NOTUM: variants seen among roughly 807,000 people sequenced by gnomAD.
NOTUM encodes the protein palmitoleoyl-protein carboxylesterase NOTUM.
A neutral mutation model predicts 65.5 loss-of-function variants in NOTUM; 36 were observed. That is an observed-to-expected ratio of 0.55 (90% CI 0.42 to 0.73). The LOEUF (loss-of-function observed/expected upper bound fraction) is 0.73, where lower values mean the gene tolerates loss of function less well. Ranked by LOEUF, NOTUM falls within the 30% of genes least tolerant of loss-of-function variation. The probability of loss-of-function intolerance (pLI) is 0.00; values close to 1 mark genes in which losing one functional copy is unlikely to be tolerated. For synonymous variants in NOTUM, 356 were observed against 297.9 expected (o/e 1.20, Z -2.01); for missense variants, 659 against 694.2 (o/e 0.95, Z 0.57).
intron 5 of NOTUM, 31 bp from the exon 6 acceptor site, chr17:81,957,939 G>A: frequency 6.7e-7 from 1 of 1,497,842 alleles, no homozygotes; most frequent in Non-Finnish European, 9.1e-7. Context: ...CCTCAGGTAG[G>A]GGCCTGGACA....
Position 81,958,349 on chromosome 17 carries a change from G to A in NOTUM, c.578C>T (p.Ser193Phe), listed in dbSNP as rs1335693072. 1 of 1,609,472 alleles carries A rather than the reference G, an allele frequency of 6.2e-7. No individual in the cohort carries two copies. The highest frequency in any genetic ancestry group is 1.3e-5 in the African/African-American group (1 of 74,860). ...CCGAGACTCACTCTTCTCAGACTTG[G>A]ATGAAGCCCCGCTCCAAACATCACT... The part of the protein sequence containing the change: ...CSSDVWSGAS[S>F]KSEKNEYAFM... The change falls in exon 5 of 11, where the codon TCC becomes TTC. Residue 193 changes from serine (S) to phenylalanine (F), a missense_variant. Ser to Phe is a radical substitution (Grantham distance 155). Coordinates refer to ENST00000409678, the MANE Select transcript of NOTUM (RefSeq NM_178493.6).
At chr17:81,954,797 A>G (rs1313929116) in intron 9 of NOTUM, among the ~76,000 whole-genome samples, 1 of 151,210 alleles carries the variant, frequency 6.6e-6, no homozygotes, top group African/African-American at 2.4e-5. Flanking sequence ...CTGTATGTGC[A>G]GTAGAGACAC....
intron 7 of NOTUM, 45 bp from the exon 8 acceptor site, chr17:81,956,795 CG>C: frequency 6.3e-7 from 1 of 1,593,160 alleles, no homozygotes; most frequent in Non-Finnish European, 8.6e-7. Context: ...TCTCGTCCCC[CG>C]GGGCTCCCCA....
At chr17:81,953,341 T>G in intron 10 of NOTUM, 74 bp from the exon 11 acceptor site, 1 of 958,866 alleles carries the variant, frequency 1.0e-6, no homozygotes, top group Admixed American at 2.5e-5. Context: ...TTTTTTTTTT[T>G]GAGACCAGCC....
At chr17:81,957,673 C>T (rs761990703) in intron 6 of NOTUM, 133 bp downstream of exon 6, 43 of 661,858 alleles carry the variant, frequency 6.5e-5, no homozygotes, top group Non-Finnish European at 1.1e-4. Context: ...CTCTCACCCT[C>T]CTAGCCACCT....
Position 81,959,465 on chromosome 17 carries a change from G to A in NOTUM, c.472+6C>T. On this transcript the variant is annotated splice_donor_region_variant and intron_variant, in intron 3 of 10. Transcript: ENST00000409678. ...CGAGACGCCTTCCCCAGGGCCCGCC[G>A]CTGACCTGTGCGAGTGCGCGGCCAG... The A allele has an allele frequency of 6.5e-7, 1 of 1,544,410 alleles. No homozygotes were observed.
chr17:81,958,682 A>G (rs2143947237), intron 4 of NOTUM, among the ~76,000 whole-genome samples: 1 of 151,454 alleles, frequency 6.6e-6, no homozygotes, highest in Admixed American at 6.6e-5. Context: ...ATCCCAGGAG[A>G]GGACCCTGCC....
At chr17:81,954,955 C>G in intron 9 of NOTUM, among the ~76,000 whole-genome samples, 1 of 44,670 alleles carries the variant, frequency 2.2e-5, no homozygotes, top group South Asian at 5.7e-4. Context: ...CTCTCTCTCT[C>G]TCTCCTCTCT....
At position 81,960,543 on chromosome 17, in the gene NOTUM, G is replaced by A. The variant is rs761069029; in HGVS notation, c.323+44C>T. The stretch of plus-strand genomic sequence containing the variant: ...CGCAGGGAAGGTCCAGCCGGAGACC[G>A]GGCGCGTCGGGCGGGGCGGGGAGGT... On this transcript the variant is annotated intron_variant, in intron 1 of 10. Coordinates refer to ENST00000409678, the MANE Select transcript of NOTUM (RefSeq NM_178493.6). The surrounding 1 kb of genome is among the most constrained non-coding windows in gnomAD (Gnocchi z 6.4). 1.1e-5 allele frequency: 15 copies of A among 1,331,334 alleles called. No individual in the cohort carries two copies. The highest frequency in any genetic ancestry group is 3.0e-5 in the South Asian group (2 of 66,788). 82.5% of individuals were successfully genotyped at this position (1,331,334 alleles called of 1,614,324 possible). A position where few individuals can be genotyped will look rare whatever the true frequency, so the allele number is the denominator to read the frequency against.
chr17:81,953,426 G>T (rs1448072570), intron 10 of NOTUM, among the ~76,000 whole-genome samples, 159 bp from the exon 11 acceptor site: 1 of 151,908 alleles, frequency 6.6e-6, no homozygotes, highest in Non-Finnish European at 1.5e-5. Context: ...CTCCCGAGTA[G>T]CTGGGATTAC....
chr17:81,959,129 C>T (rs1053375116), intron 3 of NOTUM, 134 bp from the exon 4 acceptor site: 2 of 763,826 alleles, frequency 2.6e-6, no homozygotes, highest in Admixed American at 2.3e-5. Context: ...TAGCCCGAAC[C>T]AAGGTTGCCG....
rs769640604 is a variant in NOTUM at position 81,956,856 on chromosome 17, G to A, written c.887+27C>T. On this transcript the variant is annotated intron_variant, in intron 7 of 10. Transcript: ENST00000409678. The stretch of plus-strand genomic sequence containing the variant: ...CCCTTCTGGGGCAAAGCTGCAGCAC[G>A]AGGACGGGCCCTCCCCGCTGCGGCA... 8.7e-6 allele frequency: 14 copies of A among 1,601,772 alleles called. No homozygotes were observed. The East Asian group carries it at 1.3e-4, about 15-fold the overall frequency.
At chr17:81,956,297 G>A (rs1274430203) in intron 8 of NOTUM, among the ~76,000 whole-genome samples, 1 of 152,160 alleles carries the variant, frequency 6.6e-6, no homozygotes, top group Non-Finnish European at 1.5e-5. Flanking sequence ...CAGCAGGGAG[G>A]GGCAGCATGG....
At position 81,958,949 on chromosome 17, in the gene NOTUM, C is replaced by T; in HGVS notation, c.519G>A (p.Trp173Ter). Residue 173 changes from tryptophan (W) to a stop codon, truncating the protein, a stop_gained, in exon 4 of 11, where the codon TGG (tryptophan) becomes TGA (stop). Coordinates refer to ENST00000409678, the MANE Select transcript of NOTUM (RefSeq NM_178493.6). LOFTEE classifies it high-confidence loss of function. ...SSQPEENPYWWNANMVFIPYC... is the reference protein window; with the variant it reads ...SSQPEENPYW ...TGCCCCCTTACACCATGTTTGCGTT[C>T]CACCAGTAGGGGTTCTCCTCCGGCT... is the stretch of plus-strand genomic sequence containing the variant. 1.2e-6 allele frequency: 2 copies of T among 1,613,024 alleles called. No individual in the cohort carries two copies. Among genetic ancestry groups the T allele is most frequent in the Non-Finnish European group, 1.7e-6 (2 of 1,179,636 alleles).
In NOTUM at chr17:81,960,536, G is replaced by A. The variant is rs768729642; in HGVS notation, c.323+51C>T. 137 of 1,305,664 alleles carry A rather than the reference G, an allele frequency of 1.0e-4. No homozygotes were observed. Among genetic ancestry groups the A allele is most frequent in the Admixed American group, 3.5e-4 (14 of 39,600 alleles). The allele number at this position is 1,305,664 out of a possible 1,614,324, so 80.9% of individuals were successfully genotyped here. A position where few individuals can be genotyped will look rare whatever the true frequency, so the allele number is the denominator to read the frequency against. On this transcript the variant is annotated intron_variant, in intron 1 of 10. Coordinates refer to ENST00000409678, the MANE Select transcript of NOTUM (RefSeq NM_178493.6). The surrounding 1 kb of genome is among the most constrained non-coding windows in gnomAD (Gnocchi z 6.4). The stretch of plus-strand genomic sequence containing the variant: ...CGCGGCCCGCAGGGAAGGTCCAGCC[G>A]GAGACCGGGCGCGTCGGGCGGGGCG...
chr17:81,960,108 C>T lies in NOTUM; in HGVS notation c.324-416G>A, dbSNP rs2041463270. Among the ~76,000 whole-genome samples the T allele has an allele frequency of 6.6e-6, 1 of 151,828 alleles. No homozygotes were observed. The highest frequency in any genetic ancestry group is 1.5e-5 in the Non-Finnish European group (1 of 67,882). The stretch of plus-strand genomic sequence containing the variant: ...CCGACCCGGCGGGGGAGCCTTCCTG[C>T]CGAGCCCCGACCCCACGCCCAAGTC... On this transcript the variant is annotated intron_variant, in intron 1 of 10. Transcript: ENST00000409678. This position sits in a 1 kb window ranked among gnomAD's most constrained non-coding sequence, Gnocchi z 6.4.
chr17:81,959,095 G>A lies in NOTUM; in HGVS notation c.473-100C>T, dbSNP rs1411741699. The A allele has an allele frequency of 1.6e-4, 160 of 1,007,218 alleles. No individual in the cohort carries two copies. In the Admixed American group the frequency reaches 2.9e-3, roughly 18 times the overall value. 62.4% of individuals were successfully genotyped at this position (1,007,218 alleles called of 1,614,324 possible). ...GTGTTGGGGCTCCTACTTGGCCCCA[G>A]GAAGGGAGGTGTGCTGGTGTTGCTA... is the stretch of plus-strand genomic sequence containing the variant. On this transcript the variant is annotated intron_variant, in intron 3 of 10. Coordinates refer to ENST00000409678, the MANE Select transcript of NOTUM (RefSeq NM_178493.6).
At chr17:81,958,304 C>A in intron 5 of NOTUM, 31 bp downstream of exon 5, 1 of 1,527,310 alleles carries the variant, frequency 6.5e-7, no homozygotes, top group East Asian at 2.2e-5. Context: ...CCGTCCCTGC[C>A]CTGCCATGCC....
rs2041453916 is a variant in NOTUM at position 81,958,968 on chromosome 17, T to G, written c.500A>C (p.Glu167Ala). The G allele has an allele frequency of 6.2e-7, 1 of 1,612,954 alleles. No homozygotes were observed. The highest frequency in any genetic ancestry group is 1.3e-5 in the African/African-American group (1 of 74,880). ...TGCGTTCCACCAGTAGGGGTTCTCCTCCGGCTGTGAGGACAGGATCCCTGT... is the reference window on the plus strand; with the variant it reads ...TGCGTTCCACCAGTAGGGGTTCTCCGCCGGCTGTGAGGACAGGATCCCTGT... ...TGTGILSSQP[E>A]ENPYWWNANM... The change falls in exon 4 of 11, where the codon GAG becomes GCG. Residue 167 changes from glutamate (E) to alanine (A), a missense_variant. Physicochemically the swap from Glu to Ala is moderately radical, Grantham distance 107 (BLOSUM62 -1). Transcript: ENST00000409678.
Sources: allele counts gnomAD v4.1 joint callset (sites outside exome capture counted in the v4.1 genomes callset), GRCh38; gene constraint gnomAD v4.1.1; non-coding constraint Gnocchi (gnomAD v3.1); transcripts MANE v1.5; gene names NCBI Gene and HGNC (gene_info 2026-07-23, HGNC 2026-07-21).